The following GPC6 variants were observed in gnomAD, a reference collection of about 807,000 sequenced individuals.
GPC6 encodes glypican-6.
A neutral mutation model predicts 55.2 loss-of-function variants in GPC6; 14 were observed. The observed-to-expected ratio is 0.25, with a 90% CI of 0.17 to 0.40. The LOEUF is 0.40. Ranked by LOEUF, GPC6 falls within the 10% of genes least tolerant of loss-of-function variation. The pLI, the probability that GPC6 is intolerant of heterozygous loss-of-function variation, is 1.00. For synonymous variants in GPC6, 278 were observed against 259.6 expected (o/e 1.07, Z -0.68); for missense variants, 641 against 708.5 (o/e 0.90, Z 1.08).
chr13:94,338,908 T>A (rs995146282), intron 6 of GPC6, among the ~76,000 whole-genome samples: 1 of 152,154 alleles, frequency 6.6e-6, no homozygotes, highest in Non-Finnish European at 1.5e-5. Context: ...CTTTCTATCT[T>A]GCCATTGCCC....
At chr13:93,573,238 A>G (rs1876494036) in intron 2 of GPC6, among the ~76,000 whole-genome samples, 1 of 152,156 alleles carries the variant, frequency 6.6e-6, no homozygotes, top group African/African-American at 2.4e-5. Flanking sequence ...TATAATATAC[A>G]TTAGAAATTG....
At chr13:93,431,874 G>A (rs896989777) in intron 1 of GPC6, among the ~76,000 whole-genome samples, 21 of 152,168 alleles carry the variant, frequency 1.4e-4, no homozygotes, top group African/African-American at 5.1e-4. Context: ...CCTTCCTGTA[G>A]ATAAGAGATA....
At chr13:93,263,786 C>A (rs1283639140) in intron 1 of GPC6, among the ~76,000 whole-genome samples, 1 of 152,190 alleles carries the variant, frequency 6.6e-6, no homozygotes. Context: ...AATGTCCTTA[C>A]ACGTGCATAT....
chr13:94,361,631 T>C (rs1163395702), intron 6 of GPC6, among the ~76,000 whole-genome samples: 8 of 152,260 alleles, frequency 5.3e-5, no homozygotes, highest in Non-Finnish European at 1.0e-4. Context: ...AGTCCTTTTG[T>C]GGACAGGCCT....
intron 4 of GPC6, among the ~76,000 whole-genome samples, chr13:94,077,307 C>T (rs4771886): frequency 0.18 from 27,410 of 151,356 alleles, 2,601 homozygotes; most frequent in South Asian, 0.25. Context: ...GAAACATGAC[C>T]GATTTTTTAA....
At chr13:94,355,238 G>A (rs541212287) in intron 6 of GPC6, among the ~76,000 whole-genome samples, 1 of 151,958 alleles carries the variant, frequency 6.6e-6, no homozygotes, top group South Asian at 2.1e-4. Flanking sequence ...GGTCAGGCTG[G>A]TCTCAAACTC....
At chr13:93,265,910 C>T (rs1455975823) in intron 1 of GPC6, among the ~76,000 whole-genome samples, 1 of 151,876 alleles carries the variant, frequency 6.6e-6, no homozygotes, top group Non-Finnish European at 1.5e-5. Context: ...AATTTTTAGG[C>T]ATTTTTCAAG....
intron 1 of GPC6, among the ~76,000 whole-genome samples, chr13:93,264,141 G>A (rs1877245485): frequency 6.6e-6 from 1 of 152,132 alleles, no homozygotes; most frequent in Admixed American, 6.5e-5. Context: ...ATGGATGAAT[G>A]AAATTCTCAG....
intron 1 of GPC6, among the ~76,000 whole-genome samples, chr13:93,299,917 A>G (rs1878617945): frequency 6.6e-6 from 1 of 152,244 alleles, no homozygotes; most frequent in South Asian, 2.1e-4. Context: ...AGGTATTCAG[A>G]ATTAATAAAG....
At chr13:93,898,946 T>A (rs201476564) in intron 3 of GPC6, among the ~76,000 whole-genome samples, 5 of 143,362 alleles carry the variant, frequency 3.5e-5, no homozygotes, top group East Asian at 2.3e-4. Context: ...TATAAATATA[T>A]ATATATATAT....
At chr13:94,114,791 G>T (rs1312620011) in intron 4 of GPC6, among the ~76,000 whole-genome samples, 1 of 152,078 alleles carries the variant, frequency 6.6e-6, no homozygotes, top group African/African-American at 2.4e-5. Flanking sequence ...AGTTACTGAG[G>T]TCTTGTTAGA....
chr13:94,254,140 A>G (rs1891436284), intron 4 of GPC6, among the ~76,000 whole-genome samples: 1 of 152,136 alleles, frequency 6.6e-6, no homozygotes, highest in Admixed American at 6.6e-5. Flanking sequence ...TAAAATGATT[A>G]TAAAATGTAT....
intron 4 of GPC6, among the ~76,000 whole-genome samples, chr13:94,073,857 G>C (rs1046492203): frequency 6.6e-6 from 1 of 152,138 alleles, no homozygotes; most frequent in African/African-American, 2.4e-5. Flanking sequence ...TGACATAAAT[G>C]GTGCTTGGGA....
intron 6 of GPC6, among the ~76,000 whole-genome samples, chr13:94,341,203 T>G (rs1405728488): frequency 6.6e-6 from 1 of 152,228 alleles, no homozygotes; most frequent in Non-Finnish European, 1.5e-5. Flanking sequence ...AAATCCTATT[T>G]GAAATCTCCT....
rs1187521230 is a variant in GPC6 at position 93,979,354 on chromosome 13, A to T, written c.712-48375A>T. Among the ~76,000 whole-genome samples, 588 of 111,770 alleles carry T rather than the reference A, an allele frequency of 5.3e-3. 6 individuals are homozygous for T. Among genetic ancestry groups the T allele is most frequent in the African/African-American group, 0.017 (503 of 28,904 alleles). 73.3% of individuals were successfully genotyped at this position (111,770 alleles called of 152,430 possible). A position where few individuals can be genotyped will look rare whatever the true frequency, so the allele number is the denominator to read the frequency against. ...TTTTTTGTGTGTGTGTGTTTTTTTTAATTTTTTTTTTATTATACTTTGATT... is the reference window on the plus strand; with the variant it reads ...TTTTTTGTGTGTGTGTGTTTTTTTTTATTTTTTTTTTATTATACTTTGATT... On this transcript the variant is annotated intron_variant, in intron 3 of 8. Coordinates refer to ENST00000377047, the MANE Select transcript of GPC6 (RefSeq NM_005708.5).
chr13:94,054,588 C>A (rs1285040637), intron 4 of GPC6, among the ~76,000 whole-genome samples: 1 of 152,152 alleles, frequency 6.6e-6, no homozygotes, highest in Non-Finnish European at 1.5e-5. Context: ...CTCCTTAGAG[C>A]CTCAAGGTCA....
At chr13:94,008,600 C>T (rs1163734014) in intron 3 of GPC6, among the ~76,000 whole-genome samples, 1 of 151,960 alleles carries the variant, frequency 6.6e-6, no homozygotes, top group African/African-American at 2.4e-5. Flanking sequence ...TGCAGTGCGC[C>T]GAGATCATGC....
intron 2 of GPC6, among the ~76,000 whole-genome samples, chr13:93,722,171 A>G (rs1883477223): frequency 6.6e-6 from 1 of 151,796 alleles, no homozygotes; most frequent in African/African-American, 2.4e-5. Context: ...TTAATGTAGA[A>G]TAATCCTTCA....
intron 1 of GPC6, among the ~76,000 whole-genome samples, chr13:93,374,565 C>T (rs913881077): frequency 2.6e-5 from 4 of 152,174 alleles, no homozygotes; most frequent in Admixed American, 2.0e-4. Context: ...GACATGGCTT[C>T]GCTTAAATAC....
Sources: allele counts gnomAD v4.1 joint callset (sites outside exome capture counted in the v4.1 genomes callset), GRCh38; gene constraint gnomAD v4.1.1; transcripts MANE v1.5; gene names NCBI Gene and HGNC (gene_info 2026-07-23, HGNC 2026-07-21).